Variants in TMEM178B observed in about 807,000 individuals in gnomAD.
TMEM178B encodes the protein transmembrane protein 178B.
In TMEM178B, 5 loss-of-function variants were observed where a neutral mutation model predicts 31.0. The ratio of observed to expected loss-of-function variants is 0.16; its 90% CI spans 0.08 to 0.34. The LOEUF is 0.34. Among genes scored for constraint, TMEM178B ranks in the 10% least tolerant of loss-of-function variants. The probability of loss-of-function intolerance (pLI) is 1.00; values close to 1 mark genes in which losing one functional copy is unlikely to be tolerated. For missense variants in TMEM178B, 275 were observed against 400.3 expected (o/e 0.69, Z 2.67); for synonymous variants, 164 against 164.0 (o/e 1.00, Z 0.00).
At chr7:141,291,372 C>T (rs1798543424) in intron 2 of TMEM178B, among the ~76,000 whole-genome samples, 2 of 152,086 alleles carry the variant, frequency 1.3e-5, no homozygotes, top group Admixed American at 1.3e-4. Context: ...CGGTGCCTAT[C>T]GTCTGTTATT....
At chr7:141,212,229 C>A (rs1294195915) in intron 1 of TMEM178B, among the ~76,000 whole-genome samples, 4 of 152,160 alleles carry the variant, frequency 2.6e-5, no homozygotes, top group Non-Finnish European at 5.9e-5. Context: ...TAAGGCTTAA[C>A]AAATCCTGCT....
intron 2 of TMEM178B, among the ~76,000 whole-genome samples, chr7:141,233,669 A>G (rs1270918686): frequency 6.6e-6 from 1 of 152,154 alleles, no homozygotes; most frequent in Non-Finnish European, 1.5e-5. Flanking sequence ...GTGTTTATAT[A>G]GAGCCCTGAG....
chr7:141,237,474 A>C (rs934002035), intron 2 of TMEM178B, among the ~76,000 whole-genome samples: 2 of 152,220 alleles, frequency 1.3e-5, no homozygotes, highest in Non-Finnish European at 2.9e-5. Context: ...ATACAAATTG[A>C]AAAAAAGAAT....
chr7:141,238,321 G>A (rs1362975247), intron 2 of TMEM178B, among the ~76,000 whole-genome samples: 1 of 152,186 alleles, frequency 6.6e-6, no homozygotes, highest in African/African-American at 2.4e-5. Context: ...GGTGGTCAGT[G>A]TTATGACAAG....
chr7:141,337,610 G>A (rs1220514254), intron 2 of TMEM178B, among the ~76,000 whole-genome samples: 3 of 152,168 alleles, frequency 2.0e-5, no homozygotes, highest in African/African-American at 7.2e-5. Flanking sequence ...TTAATAAGTG[G>A]TGATGAAGCC....
chr7:141,215,098 G>T (rs540126060), intron 2 of TMEM178B, among the ~76,000 whole-genome samples: 2 of 152,012 alleles, frequency 1.3e-5, no homozygotes, highest in Non-Finnish European at 2.9e-5. Context: ...AGGAAGTGTC[G>T]ATTTTAATTT....
chr7:141,182,424 T>A (rs1003690718), intron 1 of TMEM178B, among the ~76,000 whole-genome samples: 1 of 152,218 alleles, frequency 6.6e-6, no homozygotes, highest in Non-Finnish European at 1.5e-5. Flanking sequence ...CTGTATTGTA[T>A]ATTCCCCTTA....
At chr7:141,260,413 T>A (rs1020425211) in intron 2 of TMEM178B, among the ~76,000 whole-genome samples, 2 of 18,614 alleles carry the variant, frequency 1.1e-4, no homozygotes, top group Non-Finnish European at 1.6e-4. Flanking sequence ...CTTTTTATAT[T>A]TTTTTTTGAC....
At chr7:141,139,988 A>G (rs368303743) in intron 1 of TMEM178B, among the ~76,000 whole-genome samples, 146 of 150,846 alleles carry the variant, frequency 9.7e-4, no homozygotes, top group South Asian at 1.7e-3. Context: ...CTGGTCTTGA[A>G]CTCCCGACTT....
intron 1 of TMEM178B, among the ~76,000 whole-genome samples, chr7:141,138,448 T>C (rs1052536907): frequency 6.6e-6 from 1 of 152,032 alleles, no homozygotes; most frequent in African/African-American, 2.4e-5. Flanking sequence ...TTGTAAGGTC[T>C]GGAGAAGCAA....
intron 1 of TMEM178B, among the ~76,000 whole-genome samples, chr7:141,123,814 A>G (rs542583785): frequency 6.6e-6 from 1 of 152,166 alleles, no homozygotes; most frequent in South Asian, 2.1e-4. Flanking sequence ...GTGCAGTTGC[A>G]TGATCTAGGC....
At chr7:141,324,552 T>G (rs1229188412) in intron 2 of TMEM178B, among the ~76,000 whole-genome samples, 2 of 150,312 alleles carry the variant, frequency 1.3e-5, no homozygotes, top group African/African-American at 2.5e-5. Context: ...GAGCTGAGTT[T>G]CAGACTCAAA....
At position 141,112,480 on chromosome 7, in the gene TMEM178B, G is replaced by A. The variant is rs1795249712; in HGVS notation, c.382+37788G>A. ...GGTGGCTCAGGTTGGTCTCAAACTTGTGGACTCAAGTGATCCTCCTGCCTT... is the reference window on the plus strand; with the variant it reads ...GGTGGCTCAGGTTGGTCTCAAACTTATGGACTCAAGTGATCCTCCTGCCTT... On this transcript the variant is annotated intron_variant, in intron 1 of 3. Coordinates refer to ENST00000565468, the MANE Select transcript of TMEM178B (RefSeq NM_001195278.2). Among the ~76,000 whole-genome samples the A allele has an allele frequency of 2.0e-5, 3 of 152,124 alleles. No homozygotes were observed. In the South Asian group the frequency reaches 6.2e-4, roughly 31 times the overall value.
chr7:141,501,571 G>T, the TMEM178B span, among the ~76,000 whole-genome samples: 1 of 152,172 alleles, frequency 6.6e-6, no homozygotes, highest in African/African-American at 2.4e-5. Flanking sequence ...TTTTTTTAAA[G>T]ATGAGGTTAA....
rs138592711 is a variant in TMEM178B, at chr7:141,159,683, C to T, written c.383-52908C>T. Among the ~76,000 whole-genome samples, 1,177 of 152,084 alleles carry T rather than the reference C, an allele frequency of 7.7e-3. 19 individuals are homozygous for T. Among genetic ancestry groups the T allele is most frequent in the African/African-American group, 0.027 (1,120 of 41,470 alleles). ...TGAACCTGGAGGACATCATGCCAAG[C>T]GAAGTAAGCCAGACACAGTAAGACA... On this transcript the variant is annotated intron_variant, in intron 1 of 3. Coordinates refer to ENST00000565468, the MANE Select transcript of TMEM178B (RefSeq NM_001195278.2).
chr7:141,357,924 A>G (rs940035390), intron 2 of TMEM178B, among the ~76,000 whole-genome samples: 7 of 152,212 alleles, frequency 4.6e-5, no homozygotes, highest in African/African-American at 1.7e-4. Context: ...AAACAGGTGA[A>G]GAATCCCTGT....
chr7:141,506,200 C>G, the TMEM178B span, among the ~76,000 whole-genome samples: 1 of 152,234 alleles, frequency 6.6e-6, no homozygotes, highest in South Asian at 2.1e-4. Flanking sequence ...TATTTTCAAG[C>G]AAGTATTAGA....
chr7:141,333,727 T>C (rs1238431410), intron 2 of TMEM178B, among the ~76,000 whole-genome samples: 2 of 152,178 alleles, frequency 1.3e-5, no homozygotes, highest in African/African-American at 4.8e-5. Context: ...AGGAACTGGT[T>C]TCATGGAAGA....
chr7:141,465,849 C>G (rs1403703584), intron 3 of TMEM178B, among the ~76,000 whole-genome samples: 1 of 151,982 alleles, frequency 6.6e-6, no homozygotes, highest in Non-Finnish European at 1.5e-5. Context: ...ATGGTGAAAC[C>G]CTGTCTCTAC....
Sources: allele counts gnomAD v4.1 joint callset (sites outside exome capture counted in the v4.1 genomes callset), GRCh38; gene constraint gnomAD v4.1.1; transcripts MANE v1.5; gene names NCBI Gene and HGNC (gene_info 2026-07-23, HGNC 2026-07-21).